Variants in XPNPEP1 observed in about 807,000 individuals in gnomAD.
XPNPEP1 encodes the protein X-prolyl aminopeptidase 1, also known as xaa-Pro aminopeptidase 1.
A neutral mutation model predicts 92.4 loss-of-function variants in XPNPEP1; 39 were observed. The ratio of observed to expected loss-of-function variants is 0.42; its 90% CI spans 0.33 to 0.55. The LOEUF is 0.55. Ranked by LOEUF, XPNPEP1 falls within the 20% of genes least tolerant of loss-of-function variation. The pLI, the probability that XPNPEP1 is intolerant of heterozygous loss-of-function variation, is 0.08. For missense variants in XPNPEP1, 654 were observed against 856.1 expected (o/e 0.76, Z 2.95); for synonymous variants, 307 against 299.4 (o/e 1.03, Z -0.26).
Position 109,923,393 on chromosome 10 carries a change from T to G in XPNPEP1, c.32+9A>C. ...GCCCGGACGCCGGCTGCCGGCGGAG[T>G]GCCCTCACCTTACTCGCGGTGGCTT... On this transcript the variant is annotated intron_variant, in intron 1 of 20. Transcript: ENST00000502935. 1 of 1,432,902 alleles carries G rather than the reference T, an allele frequency of 7.0e-7. No individual in the cohort carries two copies. Among genetic ancestry groups the G allele is most frequent in the Non-Finnish European group, 9.2e-7 (1 of 1,092,482 alleles). The allele number at this position is 1,432,902 out of a possible 1,614,324, so 88.8% of individuals were successfully genotyped here.
At chr10:109,906,551 T>C (rs532140745) in intron 3 of XPNPEP1, among the ~76,000 whole-genome samples, 35 of 152,176 alleles carry the variant, frequency 2.3e-4, no homozygotes, top group African/African-American at 7.5e-4. Flanking sequence ...CAATCTGGAG[T>C]TGTGCCAATA....
chr10:109,888,706 C>T, intron 5 of XPNPEP1, 111 bp from the exon 6 acceptor site: 1 of 821,592 alleles, frequency 1.2e-6, no homozygotes, highest in South Asian at 2.9e-5. Flanking sequence ...TATTAAGCAG[C>T]TTCTTTAAAG....
Position 109,880,914 on chromosome 10 carries a change from C to T in XPNPEP1, c.1059G>A (p.Met353Ile). The T allele has an allele frequency of 6.2e-7, 1 of 1,614,036 alleles. No homozygotes were observed. Among genetic ancestry groups the T allele is most frequent in the Middle Eastern group, 1.6e-4 (1 of 6,062 alleles). Residue 353 changes from methionine (M) to isoleucine (I), a missense_variant, in exon 11 of 21, where the codon ATG becomes ATA. Physicochemically the swap from Met to Ile is conservative, Grantham distance 10. Transcript: ENST00000502935. ...TGGCGATGCAGATGGGGGTGTAAGG[C>T]ATACAGCAGCGGTGGTCCTAGAGGC... is the stretch of plus-strand genomic sequence containing the variant. ...ETIPKDHRCC[M>I]PYTPICIAKA...
At chr10:109,915,979 C>G (rs368165775) in intron 1 of XPNPEP1, among the ~76,000 whole-genome samples, 5 of 152,046 alleles carry the variant, frequency 3.3e-5, no homozygotes, top group Non-Finnish European at 7.4e-5. Context: ...CAACAGTGAA[C>G]AAAACAGACA....
rs1847064375 is a variant in XPNPEP1, at chr10:109,865,187, A to G, written c.1998T>C (p.His666=). The G allele has an allele frequency of 6.2e-7, 1 of 1,614,018 alleles. No individual in the cohort carries two copies. Among genetic ancestry groups the G allele is most frequent in the African/African-American group, 1.3e-5 (1 of 74,910 alleles). Residue 666 remains histidine (H), a synonymous_variant, in exon 21 of 21, where the codon CAT becomes CAC. Transcript: ENST00000502935. The part of the protein sequence containing the change: ...IRETQPISKQ[H] Reference sequence around the variant, plus strand: ...AACAAAACCGGGGAGGTATTTATTAATGCTGTTTGGAGATGGGTTGCGTCT... The same window carrying G: ...AACAAAACCGGGGAGGTATTTATTAGTGCTGTTTGGAGATGGGTTGCGTCT...
At chr10:109,878,117 A>T (rs1388894807) in intron 12 of XPNPEP1, 59 bp from the exon 13 acceptor site, 40 of 1,591,560 alleles carry the variant, frequency 2.5e-5, no homozygotes, top group Non-Finnish European at 3.4e-5. Flanking sequence ...GCCTCTTACA[A>T]ATTAGAGGAG....
intron 10 of XPNPEP1, 146 bp from the exon 11 acceptor site, chr10:109,881,077 G>T: frequency 1.5e-6 from 1 of 676,432 alleles, no homozygotes; most frequent in Middle Eastern, 2.8e-4. Context: ...ATCCCCTGGG[G>T]CCCCAACGAC....
rs186212642 is a variant in XPNPEP1 at position 109,903,947 on chromosome 10, C to T, written c.246+3744G>A. On this transcript the variant is annotated intron_variant, in intron 3 of 20. Transcript: ENST00000502935. ...GCAACCTCCACCTCCTGGGTTCAAG[C>T]GATTCTCCCACCACAGCCTCCCAAG... 1.6e-4 allele frequency among the ~76,000 whole-genome samples: 24 copies of T among 151,150 alleles called. No homozygotes were observed. The East Asian group carries it at 3.5e-3, about 22-fold the overall frequency.
At position 109,923,480 on chromosome 10, in the gene XPNPEP1, T is replaced by G. The variant is rs1016371602; in HGVS notation, c.-47A>C. 2.9e-6 allele frequency: 4 copies of G among 1,359,364 alleles called. No individual in the cohort carries two copies. In the African/African-American group the frequency reaches 6.1e-5, roughly 21 times the overall value. 84.2% of individuals were successfully genotyped at this position (1,359,364 alleles called of 1,614,324 possible). A position where few individuals can be genotyped will look rare whatever the true frequency, so the allele number is the denominator to read the frequency against. On this transcript the variant is annotated 5_prime_UTR_variant, in exon 1 of 21. Coordinates refer to ENST00000502935, the MANE Select transcript of XPNPEP1 (RefSeq NM_020383.4). ...CCACGTCAGGGGAGCGCAGACCAGC[T>G]GATCACCCGCGGAAGGGCCGGCGCG... is the stretch of plus-strand genomic sequence containing the variant.
chr10:109,889,173 G>A (rs914421626), intron 5 of XPNPEP1, among the ~76,000 whole-genome samples: 2 of 152,204 alleles, frequency 1.3e-5, no homozygotes, highest in Admixed American at 6.5e-5. Context: ...TTTTAAGAGA[G>A]GCACACAGGC....
Position 109,907,916 on chromosome 10 carries a change from C to G in XPNPEP1, c.122-101G>C, listed in dbSNP as rs1271126119. 3.9e-6 allele frequency: 6 copies of G among 1,521,874 alleles called. No homozygotes were observed. In the East Asian group the frequency reaches 1.4e-4, roughly 35 times the overall value. The allele number at this position is 1,521,874 out of a possible 1,614,324, so 94.3% of individuals were successfully genotyped here. A position where few individuals can be genotyped will look rare whatever the true frequency, so the allele number is the denominator to read the frequency against. On this transcript the variant is annotated intron_variant, in intron 2 of 20. Coordinates refer to ENST00000502935, the MANE Select transcript of XPNPEP1 (RefSeq NM_020383.4). ...GAGAGAAGTGCCTTCTACGTTCTGC[C>G]CCACTCCCAGTTAGGTCTTCAAATT...
chr10:109,902,059 C>G (rs1278023928), intron 3 of XPNPEP1, among the ~76,000 whole-genome samples: 1 of 152,220 alleles, frequency 6.6e-6, no homozygotes, highest in Non-Finnish European at 1.5e-5. Context: ...ACAGATTCTA[C>G]TTAGACAGTG....
chr10:109,871,690 A>T, intron 17 of XPNPEP1, 102 bp downstream of exon 17: 2 of 1,333,202 alleles, frequency 1.5e-6, no homozygotes, highest in Non-Finnish European at 2.1e-6. Flanking sequence ...TGGGATGGGG[A>T]CCTCACAGTG....
intron 2 of XPNPEP1, among the ~76,000 whole-genome samples, chr10:109,911,590 AGC>A (rs1849876189): frequency 2.0e-5 from 3 of 152,192 alleles, no homozygotes; most frequent in African/African-American, 7.2e-5. Flanking sequence ...ATCTTTCAGG[AGC>A]TTCAGAATAG....
At position 109,907,678 on chromosome 10, in the gene XPNPEP1, T is replaced by C; in HGVS notation, c.246+13A>G. ...GACTGAAAAGAAAGGAGAGGCCCAT[T>C]GCCATGCAGTACCTGATGAGCATCT... On this transcript the variant is annotated intron_variant, in intron 3 of 20. Transcript: ENST00000502935. The C allele has an allele frequency of 6.2e-7, 1 of 1,614,092 alleles. No homozygotes were observed. The highest frequency in any genetic ancestry group is 8.5e-7 in the Non-Finnish European group (1 of 1,179,984).
At chr10:109,896,433 C>CTTTTTT in intron 3 of XPNPEP1, among the ~76,000 whole-genome samples, 1 of 121,784 alleles carries the variant, frequency 8.2e-6, no homozygotes, top group Non-Finnish European at 1.6e-5. Context: ...AGGCACACAC[C>CTTTTTT]TTTTTTTTTT....
chr10:109,886,909 C>T (rs575355917), intron 7 of XPNPEP1, among the ~76,000 whole-genome samples: 27 of 152,304 alleles, frequency 1.8e-4, no homozygotes, highest in African/African-American at 5.3e-4. Flanking sequence ...GTCTGACTCA[C>T]TGTGATTACC....
intron 5 of XPNPEP1, among the ~76,000 whole-genome samples, chr10:109,889,822 G>A (rs1412287461): frequency 6.6e-6 from 1 of 152,112 alleles, no homozygotes; most frequent in Non-Finnish European, 1.5e-5. Flanking sequence ...ACCATAGAAG[G>A]GAAGTGCAAA....
intron 16 of XPNPEP1, among the ~76,000 whole-genome samples, chr10:109,872,635 T>A (rs1277051919): frequency 6.6e-6 from 1 of 152,232 alleles, no homozygotes; most frequent in Non-Finnish European, 1.5e-5. Context: ...CTACATTGCA[T>A]AAAACCCTTT....
Sources: gnomAD v4.1 joint callset for allele counts (sites outside exome capture counted in the v4.1 genomes callset) on GRCh38, gnomAD v4.1.1 for gene constraint, MANE v1.5 for transcripts, NCBI Gene and HGNC (gene_info 2026-07-23, HGNC 2026-07-21) for gene names.